The following RELT variants were observed in gnomAD, a reference collection of about 807,000 sequenced individuals.
The protein encoded by RELT is RELT TNF receptor, also known as tumor necrosis factor receptor superfamily member 19L.
RELT carries 37 observed loss-of-function variants against 51.1 expected under a neutral mutation model. The observed-to-expected ratio is 0.72, with a 90% confidence interval of 0.56 to 0.95. The LOEUF is 0.95. Among genes scored for constraint, RELT ranks in the 40% least tolerant of loss-of-function variants. The pLI, the probability that RELT is intolerant of heterozygous loss-of-function variation, is 0.00. For synonymous variants in RELT, 241 were observed against 235.7 expected, an observed-to-expected ratio of 1.02 and a Z score of -0.21; for missense variants, 535 against 572.6, an observed-to-expected ratio of 0.93 and a Z score of 0.67.
In RELT at chr11:73,394,564, C is replaced by A; in HGVS notation, c.876C>A (p.Gly292=). ...TGCAGGGCCTGGCCTCGCTCTCTGG[C>A]CCCTGCTGCTCCCGCTGTAGCCAGA... The part of the protein sequence containing the change: ...HTVQGLASLS[G]PCCSRCSQKK... The change falls in exon 9 of 11, where the codon GGC becomes GGA. Residue 292 remains glycine, a synonymous_variant. Transcript: ENST00000064780. The surrounding 1 kb of genome is among the most constrained non-coding windows in gnomAD (Gnocchi z 4.9). The A allele has an allele frequency of 6.2e-7, 1 of 1,612,544 alleles. No individual in the cohort carries two copies. The highest frequency in any genetic ancestry group is 8.5e-7 in the Non-Finnish European group (1 of 1,180,002).
In RELT at chr11:73,395,094, G is replaced by A. The variant is rs866510393; in HGVS notation, c.1054G>A (p.Val352Met). The change falls in exon 10 of 11, where the codon GTG becomes ATG. Residue 352 changes from valine to methionine, a missense_variant. By Grantham distance (21) the Val-to-Met change is conservative. Coordinates refer to ENST00000064780, the MANE Select transcript of RELT (RefSeq NM_152222.2). ...ITILSVGRFR[V>M]ARIPEQRTSS... The stretch of plus-strand genomic sequence containing the variant: ...GCCCCACTCTCCTCACAGGTTCCGC[G>A]TGGCTCGAATTCCTGAGCAGCGGAC... 19 of 1,613,272 alleles carry A rather than the reference G, an allele frequency of 1.2e-5. No individual in the cohort carries two copies. The South Asian group carries it at 1.4e-4, about 12-fold the overall frequency.
At position 73,390,743 on chromosome 11, in the gene RELT, T is replaced by C. The variant is rs752400840; in HGVS notation, c.121-12T>C. On this transcript the variant is annotated splice_polypyrimidine_tract_variant and intron_variant, in intron 3 of 10. Coordinates refer to ENST00000064780, the MANE Select transcript of RELT (RefSeq NM_152222.2). ...GGCTCCTGGCCATGCTCTCACCCTTTACCTCCCACAGGACCCAGGGCAGGG... is the reference window on the plus strand; with the variant it reads ...GGCTCCTGGCCATGCTCTCACCCTTCACCTCCCACAGGACCCAGGGCAGGG... 1.9e-6 allele frequency: 3 copies of C among 1,606,698 alleles called. No individual in the cohort carries two copies. Among genetic ancestry groups the C allele is most frequent in the Non-Finnish European group, 2.5e-6 (3 of 1,176,620 alleles).
chr11:73,394,712 A>T lies in RELT; in HGVS notation c.1024A>T (p.Ile342Phe), dbSNP rs1433562637. 4.3e-5 allele frequency: 69 copies of T among 1,611,002 alleles called. No homozygotes were observed. The highest frequency in any genetic ancestry group is 5.8e-5 in the Non-Finnish European group (68 of 1,179,900). ...AGAKAGRQGEITILSVGRFRV... is the reference protein window; with the variant it reads ...AGAKAGRQGEFTILSVGRFRV... ...GGCCAAGGCAGGGCGTCAGGGCGAG[A>T]TCACCATCTTGTCTGTGGGCAGGTG... Residue 342 changes from isoleucine (I) to phenylalanine (F), a missense_variant, in exon 9 of 11, where the codon ATC becomes TTC. Physicochemically the swap from Ile to Phe is conservative, Grantham distance 21. Coordinates refer to ENST00000064780, the MANE Select transcript of RELT (RefSeq NM_152222.2). This position sits in a 1 kb window ranked among gnomAD's most constrained non-coding sequence, Gnocchi z 4.9.
intron 10 of RELT, 51 bp from the exon 11 acceptor site, chr11:73,395,393 G>C (rs1292931229): frequency 8.0e-7 from 1 of 1,254,950 alleles, no homozygotes; most frequent in East Asian, 2.3e-5. Flanking sequence ...CTTTCCTGGA[G>C]CCAGAAGCCA....
Position 73,395,711 on chromosome 11 carries a change from G to T in RELT, c.*220G>T, listed in dbSNP as rs1866309002. 1 of 583,950 alleles carries T rather than the reference G, an allele frequency of 1.7e-6. No homozygotes were observed. The highest frequency in any genetic ancestry group is 3.1e-6 in the Non-Finnish European group (1 of 326,546). 36.2% of individuals were successfully genotyped at this position (583,950 alleles called of 1,614,324 possible). On this transcript the variant is annotated 3_prime_UTR_variant, in exon 11 of 11. Coordinates refer to ENST00000064780, the MANE Select transcript of RELT (RefSeq NM_152222.2). ...AGGAGCAGGCTGAGCCCCGCCCCTGGCCCTGCTGCCATGTTGCTCCCCTGA... is the reference window on the plus strand; with the variant it reads ...AGGAGCAGGCTGAGCCCCGCCCCTGTCCCTGCTGCCATGTTGCTCCCCTGA...
chr11:73,385,372 C>T (rs1208378799), intron 1 of RELT, among the ~76,000 whole-genome samples: 1 of 152,198 alleles, frequency 6.6e-6, no homozygotes, highest in African/African-American at 2.4e-5. Flanking sequence ...CATCTGTGGC[C>T]TCAATCGTGG....
Position 73,394,538 on chromosome 11 carries a change from G to A in RELT, c.850G>A (p.Val284Met), listed in dbSNP as rs146155880. 20 of 1,611,666 alleles carry A rather than the reference G, an allele frequency of 1.2e-5. No homozygotes were observed. The highest frequency in any genetic ancestry group is 4.0e-5 in the African/African-American group (3 of 75,044). ...CCCGCACCGCCACCATCTCCACACCGTGCAGGGCCTGGCCTCGCTCTCTGG... is the reference window on the plus strand; with the variant it reads ...CCCGCACCGCCACCATCTCCACACCATGCAGGGCCTGGCCTCGCTCTCTGG... ...ICPHRHHLHT[V>M]QGLASLSGPC... Residue 284 changes from valine to methionine, a missense_variant, in exon 9 of 11, where the codon GTG (valine) becomes ATG (methionine). By Grantham distance (21) the Val-to-Met change is conservative. Coordinates refer to ENST00000064780, the MANE Select transcript of RELT (RefSeq NM_152222.2). The surrounding 1 kb of genome is among the most constrained non-coding windows in gnomAD (Gnocchi z 4.9).
intron 1 of RELT, among the ~76,000 whole-genome samples, chr11:73,380,129 T>C (rs1217424887): frequency 2.0e-5 from 3 of 152,204 alleles, no homozygotes; most frequent in African/African-American, 7.2e-5. Flanking sequence ...CACCTGTGGG[T>C]ACCGCATGCT....
rs1866157113 is a variant in RELT, at chr11:73,388,392, A to C, written c.-25-720A>C. ...GCTGCCGTGACCACCCCAGCCCCAT[A>C]GGTCTGCCAGGGGAAGAGCTGTGGC... On this transcript the variant is annotated intron_variant, in intron 1 of 10. Transcript: ENST00000064780. The surrounding 1 kb of genome is among the most constrained non-coding windows in gnomAD (Gnocchi z 4.1). Among the ~76,000 whole-genome samples the C allele has an allele frequency of 6.6e-6, 1 of 152,170 alleles. No individual in the cohort carries two copies. Among genetic ancestry groups the C allele is most frequent in the Non-Finnish European group, 1.5e-5 (1 of 68,024 alleles).
chr11:73,394,199 A>ATGGCCACAGTGAGGGTCTGACTGCAGC lies in RELT; in HGVS notation c.707-35_707-9dup. On this transcript the variant is annotated intron_variant, in intron 7 of 10. Transcript: ENST00000064780. The surrounding 1 kb of genome is among the most constrained non-coding windows in gnomAD (Gnocchi z 4.9). ...GCAGGGGGTGGGAGGTGTGTCCCAT[A>ATGGCCACAGTGAGGGTCTGACTGCAGC]TGGCCACAGTGAGGGTCTGACTGCA... 1 of 1,546,334 alleles carries ATGGCCACAGTGAGGGTCTGACTGCAGC rather than the reference A, an allele frequency of 6.5e-7. No individual in the cohort carries two copies.
At chr11:73,395,395 C>G in intron 10 of RELT, 49 bp from the exon 11 acceptor site, 1 of 1,247,736 alleles carries the variant, frequency 8.0e-7, no homozygotes, top group Non-Finnish European at 1.2e-6. Context: ...TTCCTGGAGC[C>G]AGAAGCCAGC....
At chr11:73,384,979 G>C (rs1379810848) in intron 1 of RELT, among the ~76,000 whole-genome samples, 1 of 152,106 alleles carries the variant, frequency 6.6e-6, no homozygotes, top group East Asian at 1.9e-4. Context: ...GCGTGTGTGA[G>C]GGTGGAAAGC....
Position 73,395,177 on chromosome 11 carries a change from T to G in RELT, c.1137T>G (p.Asp379Glu), listed in dbSNP as rs768183803. ...CGGAGGCTGGGCCCTCGTGGGGTGA[T>G]CTCCCTGACTCCCCACAGCCTGGCC... ...TITEAGPSWG[D>E]LPDSPQPGLP... The change falls in exon 10 of 11, where the codon GAT (aspartate) becomes GAG (glutamate). Residue 379 changes from aspartate (D) to glutamate (E), a missense_variant. Physicochemically the swap from Asp to Glu is conservative, Grantham distance 45. Transcript: ENST00000064780. 2.5e-6 allele frequency: 4 copies of G among 1,613,098 alleles called. No homozygotes were observed. Among genetic ancestry groups the G allele is most frequent in the Non-Finnish European group, 3.4e-6 (4 of 1,179,834 alleles).
At chr11:73,391,659 G>T (rs773472472) in intron 5 of RELT, among the ~76,000 whole-genome samples, 100 of 152,310 alleles carry the variant, frequency 6.6e-4, no homozygotes, top group South Asian at 3.3e-3. Context: ...AGCCGGGCGT[G>T]GTGGTGCTAC....
chr11:73,388,895 G>T lies in RELT; in HGVS notation c.-25-217G>T, dbSNP rs900942120. 1.4e-4 allele frequency among the ~76,000 whole-genome samples: 21 copies of T among 152,328 alleles called. No homozygotes were observed. Among genetic ancestry groups the T allele is most frequent in the African/African-American group, 4.6e-4 (19 of 41,580 alleles). On this transcript the variant is annotated intron_variant, in intron 1 of 10. Transcript: ENST00000064780. This position sits in a 1 kb window ranked among gnomAD's most constrained non-coding sequence, Gnocchi z 4.1. ...TGCAGAGCCTTCTTCCTGCCTTCCT[G>T]CCTGTGCTGCCCCGTGAGGCCGGCT...
chr11:73,379,213 AT>A (rs1171785059), intron 1 of RELT, among the ~76,000 whole-genome samples: 1 of 152,122 alleles, frequency 6.6e-6, no homozygotes, highest in Non-Finnish European at 1.5e-5. Context: ...AGTTATTTCC[AT>A]CCTCAACAAA....
chr11:73,394,135 G>A lies in RELT; in HGVS notation c.707-101G>A. The A allele has an allele frequency of 2.6e-6, 3 of 1,136,352 alleles. No individual in the cohort carries two copies. The highest frequency in any genetic ancestry group is 1.3e-6 in the Non-Finnish European group (1 of 777,500). The allele number at this position is 1,136,352 out of a possible 1,614,324, so 70.4% of individuals were successfully genotyped here. A position where few individuals can be genotyped will look rare whatever the true frequency, so the allele number is the denominator to read the frequency against. On this transcript the variant is annotated intron_variant, in intron 7 of 10. Coordinates refer to ENST00000064780, the MANE Select transcript of RELT (RefSeq NM_152222.2). This position sits in a 1 kb window ranked among gnomAD's most constrained non-coding sequence, Gnocchi z 4.9. ...AAAAGGCGCACAGCCCAGGCTGGGAGTGGTGGTATGGAGGGTAGGTGGGGG... is the reference window on the plus strand; with the variant it reads ...AAAAGGCGCACAGCCCAGGCTGGGAATGGTGGTATGGAGGGTAGGTGGGGG...
At chr11:73,378,760 C>T (rs928900598) in intron 1 of RELT, among the ~76,000 whole-genome samples, 27 of 152,346 alleles carry the variant, frequency 1.8e-4, no homozygotes, top group African/African-American at 6.5e-4. Flanking sequence ...ACTTCACTCC[C>T]AACCAGACAT....
Position 73,394,196 on chromosome 11 carries a change from C to A in RELT, c.707-40C>A. 1.3e-6 allele frequency: 2 copies of A among 1,533,444 alleles called. No homozygotes were observed. Among genetic ancestry groups the A allele is most frequent in the South Asian group, 1.2e-5 (1 of 85,348 alleles). The allele number at this position is 1,533,444 out of a possible 1,614,324, so 95.0% of individuals were successfully genotyped here. ...GGGGCAGGGGGTGGGAGGTGTGTCC[C>A]ATATGGCCACAGTGAGGGTCTGACT... On this transcript the variant is annotated intron_variant, in intron 7 of 10. Coordinates refer to ENST00000064780, the MANE Select transcript of RELT (RefSeq NM_152222.2). The surrounding 1 kb of genome is among the most constrained non-coding windows in gnomAD (Gnocchi z 4.9).
Sources: allele counts gnomAD v4.1 joint callset (sites outside exome capture counted in the v4.1 genomes callset), GRCh38; gene constraint gnomAD v4.1.1; non-coding constraint Gnocchi (gnomAD v3.1); transcripts MANE v1.5; gene names NCBI Gene and HGNC (gene_info 2026-07-23, HGNC 2026-07-21).